The following TARS2 variants were observed in gnomAD, a reference collection of about 807,000 sequenced individuals.
TARS2 encodes threonine--tRNA ligase, mitochondrial.
Under a neutral mutation model 94.4 loss-of-function variants are expected in TARS2, and 61 were observed. That is an observed-to-expected ratio of 0.65 (90% CI 0.53 to 0.80). TARS2 has a LOEUF of 0.80. Ranked by LOEUF, TARS2 falls within the 30% of genes least tolerant of loss-of-function variation. TARS2 has a pLI of 0.00. For synonymous variants in TARS2, 359 were observed against 353.4 expected (o/e 1.02, Z -0.18); for missense variants, 704 against 902.5 (o/e 0.78, Z 2.82).
rs756255843 is a variant in TARS2 at position 150,498,666 on chromosome 1, T to G, written c.1401+2T>G. ...CACATCTTCTGTACAACAGATCAGG[T>G]GGCCTTTCCCTGGCTCCACCAAAGC... On this transcript the variant is annotated splice_donor_variant, in intron 11 of 17. Transcript: ENST00000369064. LOFTEE classifies it high-confidence loss of function. The G allele has an allele frequency of 1.9e-6, 3 of 1,613,444 alleles. No individual in the cohort carries two copies.
In TARS2 at chr1:150,496,499, G is replaced by T; in HGVS notation, c.792G>T (p.Trp264Cys). ...TCACACAGAACTCATCATCCTTATG[G>T]AGGTCTTCAGGGGCCCCAGAGACAC... ...LKLLSNSSSL[W>C]RSSGAPETLQ... The change falls in exon 8 of 18, where the codon TGG (tryptophan) becomes TGT (cysteine). Residue 264 changes from tryptophan (W) to cysteine (C), a missense_variant. By Grantham distance (215) the Trp-to-Cys change is radical. Transcript: ENST00000369064. The T allele has an allele frequency of 6.2e-7, 1 of 1,613,750 alleles. No individual in the cohort carries two copies. Among genetic ancestry groups the T allele is most frequent in the Non-Finnish European group, 8.5e-7 (1 of 1,179,826 alleles).
At chr1:150,498,819 C>G in intron 11 of TARS2, 78 bp from the exon 12 acceptor site, 1 of 1,609,880 alleles carries the variant, frequency 6.2e-7, no homozygotes, top group Non-Finnish European at 8.5e-7. Context: ...TGTTTTTGCC[C>G]TTTGTTTTCC....
intron 6 of TARS2, chr1:150,492,105 A>G (rs963656299): frequency 1.6e-5 from 5 of 309,366 alleles, no homozygotes; most frequent in African/African-American, 6.5e-5. Context: ...AGCTGGAACT[A>G]CAGGCATGCA....
intron 7 of TARS2, among the ~76,000 whole-genome samples, chr1:150,493,184 C>G (rs76031049): frequency 0.031 from 4,758 of 152,170 alleles, 103 homozygotes; most frequent in Middle Eastern, 0.054. Flanking sequence ...CTCTCATAAG[C>G]TGAGCGGGGA....
intron 13 of TARS2, among the ~76,000 whole-genome samples, chr1:150,501,334 T>TTTTTTCC (rs1553905147): frequency 1.0e-5 from 1 of 98,674 alleles, no homozygotes; most frequent in African/African-American, 4.2e-5. Flanking sequence ...TTTTTTTTTA[T>TTTTTTCC]TGAGACTATG....
chr1:150,491,726 C>A, intron 6 of TARS2, 64 bp downstream of exon 6: 2 of 1,497,002 alleles, frequency 1.3e-6, no homozygotes, highest in Non-Finnish European at 1.9e-6. Flanking sequence ...GCCAGAAATG[C>A]GATAAGGGAA....
rs201218331 is a variant in TARS2 at position 150,504,615 on chromosome 1, C to G, written c.1719-17C>G. On this transcript the variant is annotated splice_polypyrimidine_tract_variant and intron_variant, in intron 14 of 17. Coordinates refer to ENST00000369064, the MANE Select transcript of TARS2 (RefSeq NM_025150.5). ...TACTTCCACCATTCCATCCACCCCCCCCTTTTTCCTTTCAAGGCAGGCGGG... is the reference window on the plus strand; with the variant it reads ...TACTTCCACCATTCCATCCACCCCCGCCTTTTTCCTTTCAAGGCAGGCGGG... 116 of 1,612,622 alleles carry G rather than the reference C, an allele frequency of 7.2e-5. No individual in the cohort carries two copies. The highest frequency in any genetic ancestry group is 1.6e-4 in the Middle Eastern group (1 of 6,078).
At position 150,498,574 on chromosome 1, in the gene TARS2, C is replaced by T. The variant is rs1168025610; in HGVS notation, c.1311C>T (p.His437=). 6.2e-7 allele frequency: 1 copy of T among 1,609,596 alleles called. No homozygotes were observed. The highest frequency in any genetic ancestry group is 2.2e-5 in the East Asian group (1 of 44,876). Residue 437 remains histidine, a synonymous_variant, in exon 11 of 18, where the codon CAC becomes CAT. Coordinates refer to ENST00000369064, the MANE Select transcript of TARS2 (RefSeq NM_025150.5). ...GACTAGCTGACTTTGGGGCTCTACA[C>T]CGGGCCGAAGCCTCTGGTGGTCTGG... is the stretch of plus-strand genomic sequence containing the variant. ...PLRLADFGAL[H]RAEASGGLGG...
rs1359540915 is a variant in TARS2, at chr1:150,504,358, C to T, written c.1641C>T (p.Ala547=). Residue 547 remains alanine, a synonymous_variant, in exon 14 of 18, where the codon GCC becomes GCT. Transcript: ENST00000369064. The part of the protein sequence containing the change: ...GPKIDVHLHD[A]LGRPHQCGTI... ...AGATTGACGTGCACCTCCACGATGC[C>T]CTGGGCCGGCCACATCAGTGTGGGA... The T allele has an allele frequency of 1.2e-6, 2 of 1,613,952 alleles. No homozygotes were observed. Among genetic ancestry groups the T allele is most frequent in the Non-Finnish European group, 1.7e-6 (2 of 1,180,030 alleles).
chr1:150,500,010 A>G (rs903380929), intron 13 of TARS2, among the ~76,000 whole-genome samples: 5 of 145,792 alleles, frequency 3.4e-5, no homozygotes, highest in African/African-American at 1.2e-4. Flanking sequence ...GTGTCTACCA[A>G]AAAAAAAAAA....
intron 17 of TARS2, 65 bp downstream of exon 17, chr1:150,505,770 C>T (rs895439718): frequency 6.6e-7 from 1 of 1,505,116 alleles, no homozygotes; most frequent in African/African-American, 1.4e-5. Flanking sequence ...TTAAGTTTAC[C>T]AAGTCTGGTA....
intron 13 of TARS2, among the ~76,000 whole-genome samples, chr1:150,501,178 C>G (rs1560255112): frequency 6.6e-6 from 1 of 151,728 alleles, no homozygotes; most frequent in Non-Finnish European, 1.5e-5. Flanking sequence ...CAGTGGCCCC[C>G]TCTTGTAATC....
In TARS2 at chr1:150,500,008, C is replaced by CA. The variant is rs587603543; in HGVS notation, c.1617+732dup. 5.8e-3 allele frequency among the ~76,000 whole-genome samples: 601 copies of CA among 103,990 alleles called. 2 individuals carry two copies. The highest frequency in any genetic ancestry group is 0.026 in the South Asian group (86 of 3,354). 68.2% of individuals were successfully genotyped at this position (103,990 alleles called of 152,430 possible). A position where few individuals can be genotyped will look rare whatever the true frequency, so the allele number is the denominator to read the frequency against. On this transcript the variant is annotated intron_variant, in intron 13 of 17. Transcript: ENST00000369064. ...CAACACAGGGAGACCCTGTGTCTAC[C>CA]AAAAAAAAAAAAAAAAATTAGCCGG...
intron 6 of TARS2, 120 bp from the exon 7 acceptor site, chr1:150,492,291 C>T (rs2102480286): frequency 9.7e-7 from 1 of 1,031,980 alleles, no homozygotes; most frequent in East Asian, 2.5e-5. Flanking sequence ...CTGCCATTGC[C>T]CTCTCTCAGT....
chr1:150,501,334 T>TTTTC (rs1553905147), intron 13 of TARS2, among the ~76,000 whole-genome samples: 21 of 98,684 alleles, frequency 2.1e-4, no homozygotes, highest in East Asian at 7.8e-4. Flanking sequence ...TTTTTTTTTA[T>TTTTC]TGAGACTATG....
At chr1:150,500,219 C>T (rs368610375) in intron 13 of TARS2, among the ~76,000 whole-genome samples, 14 of 151,994 alleles carry the variant, frequency 9.2e-5, no homozygotes, top group African/African-American at 3.4e-4. Context: ...GAAAAGTGTC[C>T]ACTGGATTTA....
intron 11 of TARS2, 43 bp from the exon 12 acceptor site, chr1:150,498,854 C>G: frequency 1.9e-6 from 3 of 1,613,382 alleles, no homozygotes; most frequent in Non-Finnish European, 2.5e-6. Flanking sequence ...TCCCTGATCT[C>G]TAGCGGGCTC....
At position 150,497,485 on chromosome 1, in the gene TARS2, C is replaced by T. The variant is rs1429687736; in HGVS notation, c.1021-45C>T. On this transcript the variant is annotated intron_variant, in intron 9 of 17. Transcript: ENST00000369064. The stretch of plus-strand genomic sequence containing the variant: ...ACACAGCTGACACCCTACCTGCTTT[C>T]CTTCCAGTTACTCTGACCTTCCATG... The T allele has an allele frequency of 2.5e-6, 4 of 1,589,100 alleles. No individual in the cohort carries two copies. In the African/African-American group the frequency reaches 5.4e-5, roughly 21 times the overall value.
chr1:150,495,605 A>G (rs1042973345), intron 7 of TARS2, among the ~76,000 whole-genome samples: 8 of 147,840 alleles, frequency 5.4e-5, no homozygotes, highest in Admixed American at 2.0e-4. Flanking sequence ...CATGTTGGTC[A>G]GGCTGGTCTT....
Sources: gnomAD v4.1 joint callset for allele counts (sites outside exome capture counted in the v4.1 genomes callset) on GRCh38, gnomAD v4.1.1 for gene constraint, MANE v1.5 for transcripts, NCBI Gene and HGNC (gene_info 2026-07-23, HGNC 2026-07-21) for gene names.